DPY19L3: variants seen among roughly 807,000 people sequenced by gnomAD.
DPY19L3 encodes the protein protein C-mannosyl-transferase DPY19L3.
In DPY19L3, 51 loss-of-function variants were observed where a neutral mutation model predicts 92.3. The observed-to-expected ratio is 0.55, with a 90% CI of 0.44 to 0.70. DPY19L3 has a LOEUF of 0.70. DPY19L3 is among the 30% of genes least tolerant of loss of function. The probability of loss-of-function intolerance (pLI) is 0.00; values close to 1 mark genes in which losing one functional copy is unlikely to be tolerated. For synonymous variants in DPY19L3, 309 were observed against 315.2 expected, an observed-to-expected ratio of 0.98 and a Z score of 0.21; for missense variants, 706 against 855.9, an observed-to-expected ratio of 0.82 and a Z score of 2.18.
chr19:32,474,549 G>A (rs182590362), intron 16 of DPY19L3, among the ~76,000 whole-genome samples: 36 of 152,308 alleles, frequency 2.4e-4, no homozygotes, highest in African/African-American at 7.2e-4. Context: ...ACAGCACTGG[G>A]TTATTTTGAA....
rs371010327 is a variant in DPY19L3, at chr19:32,463,387, C to T, written c.1344C>T (p.Ser448=). The change falls in exon 13 of 19, where the codon TCC becomes TCT. Residue 448 remains serine, a synonymous_variant. Coordinates refer to ENST00000392250, the MANE Select transcript of DPY19L3 (RefSeq NM_001172774.2). The part of the protein sequence containing the change: ...HNLSDSTNQQ[S]VGKMEKGTVD... Reference sequence around the variant, plus strand: ...TCAGTGATTCTACAAATCAACAATCCGTGGGTAAAATGGAAAAAGGCACAG... The same window carrying T: ...TCAGTGATTCTACAAATCAACAATCTGTGGGTAAAATGGAAAAAGGCACAG... 4.6e-5 allele frequency: 74 copies of T among 1,613,578 alleles called. No homozygotes were observed. The highest frequency in any genetic ancestry group is 3.6e-4 in the East Asian group (16 of 44,802).
chr19:32,440,062 A>G (rs1305670835), intron 8 of DPY19L3, 152 bp downstream of exon 8: 1 of 959,112 alleles, frequency 1.0e-6, no homozygotes, highest in East Asian at 2.7e-5. Flanking sequence ...GAAGCTGAGT[A>G]ATTTATGAAG....
intron 8 of DPY19L3, among the ~76,000 whole-genome samples, chr19:32,445,571 G>A (rs1009255953): frequency 1.3e-5 from 2 of 151,514 alleles, no homozygotes; most frequent in African/African-American, 2.4e-5. Context: ...TACCGTAAGA[G>A]AATAGCTAAA....
At chr19:32,413,396 GTATA>G (rs892300923) in intron 3 of DPY19L3, among the ~76,000 whole-genome samples, 1 of 151,784 alleles carries the variant, frequency 6.6e-6, no homozygotes, top group Non-Finnish European at 1.5e-5. Flanking sequence ...TATGGGTACA[GTATA>G]TATATCTTTA....
At chr19:32,417,348 C>T (rs1223817485) in intron 3 of DPY19L3, among the ~76,000 whole-genome samples, 2 of 152,210 alleles carry the variant, frequency 1.3e-5, no homozygotes, top group African/African-American at 2.4e-5. Context: ...GAGACGGAGT[C>T]TCGCTCTGTC....
rs771788218 is a variant in DPY19L3, at chr19:32,463,966, T to C, written c.1543T>C (p.Tyr515His). The change falls in exon 14 of 19, where the codon TAT becomes CAT. Residue 515 changes from tyrosine (Y) to histidine (H), a missense_variant. Transcript: ENST00000392250. ...GTTACTTCTGAAGTCAGTCCATCTT[T>C]ATAACCCAAAGAGGGTCAGTGTCAT... is the stretch of plus-strand genomic sequence containing the variant. ...WELLLKSVHL[Y>H]NPKRICIMRY... The C allele has an allele frequency of 1.2e-6, 2 of 1,612,380 alleles. No homozygotes were observed. Among genetic ancestry groups the C allele is most frequent in the Non-Finnish European group, 8.5e-7 (1 of 1,178,744 alleles).
intron 8 of DPY19L3, 54 bp from the exon 9 acceptor site, chr19:32,453,091 T>C (rs777765410): frequency 2.5e-6 from 4 of 1,601,822 alleles, no homozygotes; most frequent in Non-Finnish European, 3.4e-6. Flanking sequence ...CATGTCGACA[T>C]GTGATGATCT....
chr19:32,441,915 T>C (rs575734098), intron 8 of DPY19L3, among the ~76,000 whole-genome samples: 1 of 152,342 alleles, frequency 6.6e-6, no homozygotes, highest in South Asian at 2.1e-4. Context: ...TGTTCAACTT[T>C]TACATTTGAA....
intron 15 of DPY19L3, chr19:32,468,004 T>G: frequency 1.0e-6 from 1 of 984,912 alleles, no homozygotes; most frequent in Non-Finnish European, 1.2e-6. Context: ...TCTCTTTCAT[T>G]GTACCAGCAA....
At chr19:32,455,991 A>G (rs1015082396) in intron 10 of DPY19L3, among the ~76,000 whole-genome samples, 2 of 152,062 alleles carry the variant, frequency 1.3e-5, no homozygotes, top group Non-Finnish European at 2.9e-5. Context: ...CTCCTTCTCC[A>G]CAAGAGAACT....
At chr19:32,433,852 G>C (rs778533796) in intron 4 of DPY19L3, among the ~76,000 whole-genome samples, 21 of 152,120 alleles carry the variant, frequency 1.4e-4, no homozygotes, top group Admixed American at 2.0e-4. Flanking sequence ...CATAATAAGG[G>C]TAATTAATCA....
intron 8 of DPY19L3, among the ~76,000 whole-genome samples, chr19:32,450,957 A>G (rs1028524627): frequency 4.6e-5 from 7 of 152,228 alleles, no homozygotes; most frequent in Non-Finnish European, 8.8e-5. Context: ...AAATGTTTTT[A>G]TTCATCAGTT....
At position 32,477,562 on chromosome 19, in the gene DPY19L3, C is replaced by T. The variant is rs1319533973; in HGVS notation, c.1738C>T (p.Gln580Ter). Residue 580 changes from glutamine (Q) to a stop codon, truncating the protein, a stop_gained, in exon 17 of 19, where the codon CAG becomes TAG. Coordinates refer to ENST00000392250, the MANE Select transcript of DPY19L3 (RefSeq NM_001172774.2). LOFTEE classifies it high-confidence loss of function. ...AAAGGCTGTGTTTGCGGGAAGCATG[C>T]AGTTGCTGGCCGGAGTCAAGCTGTG... ...PRKAVFAGSM[Q>*]LLAGVKLCTG... The T allele has an allele frequency of 6.2e-7, 1 of 1,614,032 alleles. No homozygotes were observed. Among genetic ancestry groups the T allele is most frequent in the African/African-American group, 1.3e-5 (1 of 74,888 alleles).
At chr19:32,446,048 G>A (rs923176704) in intron 8 of DPY19L3, among the ~76,000 whole-genome samples, 1 of 151,982 alleles carries the variant, frequency 6.6e-6, no homozygotes, top group East Asian at 1.9e-4. Context: ...TTATAACACT[G>A]TCTTATGTGG....
At chr19:32,421,627 CA>C (rs869206912) in intron 3 of DPY19L3, among the ~76,000 whole-genome samples, 5,769 of 58,778 alleles carry the variant, frequency 0.098, 133 homozygotes, top group Middle Eastern at 0.19. Context: ...GACTTCATCT[CA>C]AAAAAAAAAA....
chr19:32,481,864 G>A (rs952899181), intron 18 of DPY19L3: 6 of 529,840 alleles, frequency 1.1e-5, no homozygotes, highest in South Asian at 2.8e-5. Context: ...TGGGATCATC[G>A]TGTGACGCTG....
At chr19:32,433,043 C>CAATGG (rs1428935874) in intron 4 of DPY19L3, among the ~76,000 whole-genome samples, 2 of 152,154 alleles carry the variant, frequency 1.3e-5, no homozygotes, top group Non-Finnish European at 2.9e-5. Flanking sequence ...AATATCTTTG[C>CAATGG]AATTTCATGG....
rs1970721714 is a variant in DPY19L3 at position 32,483,202 on chromosome 19, A to G, written c.*962A>G. On this transcript the variant is annotated 3_prime_UTR_variant, in exon 19 of 19. Transcript: ENST00000392250. ...ATCTTAACTAGTTCACTAATACAGT[A>G]TTTTTAGCAGACAGCATTTTCAGAC... 6.6e-6 allele frequency: 1 copy of G among 152,266 alleles called. No homozygotes were observed. 9.4% of individuals were successfully genotyped at this position (152,266 alleles called of 1,614,324 possible). A position where few individuals can be genotyped will look rare whatever the true frequency, so the allele number is the denominator to read the frequency against.
intron 16 of DPY19L3, among the ~76,000 whole-genome samples, chr19:32,471,521 G>A (rs1304620275): frequency 1.3e-5 from 2 of 152,164 alleles, no homozygotes; most frequent in Non-Finnish European, 2.9e-5. Flanking sequence ...TTTTGGCACA[G>A]GGCACCCCTT....
Sources: allele counts gnomAD v4.1 joint callset (sites outside exome capture counted in the v4.1 genomes callset), GRCh38; gene constraint gnomAD v4.1.1; transcripts MANE v1.5; gene names NCBI Gene and HGNC (gene_info 2026-07-23, HGNC 2026-07-21).